Variants in VOPP1 observed in about 807,000 individuals in gnomAD.
VOPP1 encodes the protein VOPP1 WW domain binding protein.
In VOPP1, 8 loss-of-function variants were observed where a neutral mutation model predicts 23.5. The observed-to-expected ratio is 0.34, with a 90% confidence interval of 0.20 to 0.61. The LOEUF (loss-of-function observed/expected upper bound fraction) is 0.61. VOPP1 is among the 20% of genes least tolerant of loss of function. VOPP1 has a pLI of 0.78. For synonymous variants in VOPP1, 83 were observed against 97.3 expected, an observed-to-expected ratio of 0.85 and a Z score of 0.86; for missense variants, 174 against 238.1, an observed-to-expected ratio of 0.73 and a Z score of 1.77.
chr7:55,529,657 G>A (rs1399661205), intron 1 of VOPP1, among the ~76,000 whole-genome samples: 3 of 152,124 alleles, frequency 2.0e-5, no homozygotes, highest in Non-Finnish European at 4.4e-5. Flanking sequence ...AATGTATACA[G>A]CTGTGCCTCC....
chr7:55,501,541 A>C (rs1411727307), intron 2 of VOPP1, among the ~76,000 whole-genome samples: 1 of 152,178 alleles, frequency 6.6e-6, no homozygotes, highest in Non-Finnish European at 1.5e-5. Context: ...TGCTGGGCTA[A>C]GGTCTTTCGG....
Position 55,472,675 on chromosome 7 carries a change from G to C in VOPP1, c.*180C>G, listed in dbSNP as rs1227025878. 2.7e-6 allele frequency: 1 copy of C among 365,266 alleles called. No homozygotes were observed. Among genetic ancestry groups the C allele is most frequent in the Non-Finnish European group, 4.7e-6 (1 of 213,358 alleles). The allele number at this position is 365,266 out of a possible 1,614,324, so 22.6% of individuals were successfully genotyped here. On this transcript the variant is annotated 3_prime_UTR_variant, in exon 5 of 5. Coordinates refer to ENST00000285279, the MANE Select transcript of VOPP1 (RefSeq NM_030796.5). ...AAACAGAAGCAACAGAGGAGACAAA[G>C]TGTGAGTTCATATATTGTACTCCAT...
At chr7:55,549,407 C>T (rs190568388) in intron 1 of VOPP1, among the ~76,000 whole-genome samples, 2 of 151,064 alleles carry the variant, frequency 1.3e-5, no homozygotes, top group Admixed American at 1.3e-4. Flanking sequence ...CTCCTAAGAC[C>T]CCCAAATCCG....
At chr7:55,443,830 AC>A (rs1267717854) in intron 4 of VOPP1, among the ~76,000 whole-genome samples, 4 of 151,942 alleles carry the variant, frequency 2.6e-5, no homozygotes, top group Non-Finnish European at 4.4e-5. Context: ...TTTTTCAGAG[AC>A]TGGGTTTCAC....
intron 1 of VOPP1, among the ~76,000 whole-genome samples, chr7:55,526,103 G>A (rs528610455): frequency 1.1e-4 from 17 of 152,332 alleles, no homozygotes; most frequent in East Asian, 3.9e-4. Context: ...GAGACAATAC[G>A]CAGAGCCACA....
chr7:55,483,003 G>C (rs903966475), intron 4 of VOPP1, among the ~76,000 whole-genome samples: 5 of 152,308 alleles, frequency 3.3e-5, no homozygotes, highest in Middle Eastern at 3.4e-3. Context: ...TCAAGCATCT[G>C]CCAGAAATTA....
At chr7:55,445,710 T>A (rs1428538482) in intron 4 of VOPP1, among the ~76,000 whole-genome samples, 1 of 152,208 alleles carries the variant, frequency 6.6e-6, no homozygotes, top group Non-Finnish European at 1.5e-5. Context: ...TGTTCTGCAA[T>A]CTCCCACTTC....
At chr7:55,519,289 G>C (rs1247769033) in intron 2 of VOPP1, among the ~76,000 whole-genome samples, 1 of 152,176 alleles carries the variant, frequency 6.6e-6, no homozygotes, top group South Asian at 2.1e-4. Context: ...CTTGTCTTTT[G>C]TATCCCCTGT....
chr7:55,522,099 AG>A (rs1266530181), intron 1 of VOPP1, among the ~76,000 whole-genome samples: 1 of 152,194 alleles, frequency 6.6e-6, no homozygotes, highest in African/African-American at 2.4e-5. Context: ...TCCTGCCCAA[AG>A]CCCCTCCTCC....
chr7:55,538,476 TC>T (rs1796939610), intron 1 of VOPP1: 3 of 669,050 alleles, frequency 4.5e-6, no homozygotes, highest in Middle Eastern at 2.5e-4. Context: ...CACAAGCCCT[TC>T]CTGCCAGGCT....
chr7:55,533,856 C>G (rs1796627725), intron 1 of VOPP1, among the ~76,000 whole-genome samples: 2 of 152,184 alleles, frequency 1.3e-5, no homozygotes, highest in African/African-American at 4.8e-5. Context: ...GTCTTTTCTT[C>G]TTACCTTTTC....
chr7:55,464,942 G>T (rs893418635), intron 4 of VOPP1, among the ~76,000 whole-genome samples: 2 of 152,180 alleles, frequency 1.3e-5, no homozygotes, highest in African/African-American at 4.8e-5. Flanking sequence ...GGCTAGGACT[G>T]TAAGAGTCAG....
downstream of VOPP1, among the ~76,000 whole-genome samples, chr7:55,469,918 G>A (rs961409018): frequency 4.6e-5 from 7 of 152,142 alleles, no homozygotes; most frequent in African/African-American, 1.7e-4. Flanking sequence ...AAGCACTGTG[G>A]CTCATGCCTG....
downstream of VOPP1, among the ~76,000 whole-genome samples, chr7:55,465,625 A>G (rs769541220): frequency 3.9e-5 from 6 of 152,220 alleles, no homozygotes; most frequent in Non-Finnish European, 8.8e-5. Flanking sequence ...AGAGCAGAGG[A>G]TTTTTAATAT....
Position 55,464,946 on chromosome 7 carries a change from G to A in VOPP1, n.417+27336C>T, listed in dbSNP as rs573877030. Among the ~76,000 whole-genome samples the A allele has an allele frequency of 2.0e-5, 3 of 152,300 alleles. No individual in the cohort carries two copies. The East Asian group carries it at 5.8e-4, about 29-fold the overall frequency. On this transcript the variant is annotated intron_variant and non_coding_transcript_variant, in intron 4 of 4. Coordinates refer to the VOPP1 transcript ENST00000462326. ...GGCTCTCCTGTGGCTAGGACTGTAA[G>A]AGTCAGTGTGGCAATGTAGACTGCT...
intron 4 of VOPP1, among the ~76,000 whole-genome samples, chr7:55,437,623 A>G (rs950430052): frequency 1.3e-5 from 2 of 152,206 alleles, no homozygotes; most frequent in Admixed American, 6.5e-5. Flanking sequence ...ATGTCTTTCA[A>G]TTCTAGGAAA....
intron 1 of VOPP1, among the ~76,000 whole-genome samples, chr7:55,525,129 T>C (rs930236551): frequency 6.6e-6 from 1 of 152,230 alleles, no homozygotes; most frequent in African/African-American, 2.4e-5. Flanking sequence ...CTCTGTGTTC[T>C]GACCCTGACT....
chr7:55,490,479 C>T (rs1444765703), intron 4 of VOPP1, among the ~76,000 whole-genome samples: 2 of 152,198 alleles, frequency 1.3e-5, no homozygotes, highest in African/African-American at 4.8e-5. Flanking sequence ...CAGCACCTCA[C>T]CTACTCACCA....
intron 4 of VOPP1, among the ~76,000 whole-genome samples, chr7:55,457,802 A>AT (rs202233307): frequency 9.6e-4 from 143 of 148,508 alleles, no homozygotes; most frequent in African/African-American, 1.7e-3. Flanking sequence ...TTTAAAAGGG[A>AT]TTTTTTTTTT....
Sources: allele counts gnomAD v4.1 joint callset (sites outside exome capture counted in the v4.1 genomes callset), GRCh38; gene constraint gnomAD v4.1.1; transcripts MANE v1.5; gene names NCBI Gene and HGNC (gene_info 2026-07-23, HGNC 2026-07-21).